ZFP69B: variants seen among roughly 807,000 people sequenced by gnomAD.
ZFP69B encodes zinc finger protein 69 homolog B.
A neutral mutation model predicts 19.7 loss-of-function variants in ZFP69B; 20 were observed. The observed-to-expected ratio is 1.02, with a 90% CI of 0.71 to 1.48. The LOEUF is 1.48. Ranked by LOEUF, ZFP69B falls within the 40% of genes most tolerant of loss-of-function variation. The pLI is 0.00. For missense variants in ZFP69B, 583 were observed against 632.6 expected, an observed-to-expected ratio of 0.92 and a Z score of 0.84; for synonymous variants, 220 against 222.7, an observed-to-expected ratio of 0.99 and a Z score of 0.11.
intron 1 of ZFP69B, among the ~76,000 whole-genome samples, chr1:40,453,948 G>A (rs1329607733): frequency 1.3e-5 from 2 of 152,130 alleles, no homozygotes; most frequent in African/African-American, 2.4e-5. Context: ...TCATGTCAGT[G>A]GGGAAACCTT....
At position 40,450,766 on chromosome 1, in the gene ZFP69B, G is replaced by A; in HGVS notation, c.-196G>A. ...CCCTGAGAGCCGATGATAGACACAA[G>A]TCCAGATCTCGGATTTTGATACTGT... On this transcript the variant is annotated 5_prime_UTR_variant, in exon 1 of 5. Coordinates refer to ENST00000361584, the MANE Select transcript of ZFP69B (RefSeq NM_023070.3). The A allele has an allele frequency of 2.2e-6, 1 of 453,434 alleles. No individual in the cohort carries two copies. The highest frequency in any genetic ancestry group is 3.5e-6 in the Non-Finnish European group (1 of 284,096). The allele number at this position is 453,434 out of a possible 1,614,324, so 28.1% of individuals were successfully genotyped here. A position where few individuals can be genotyped will look rare whatever the true frequency, so the allele number is the denominator to read the frequency against.
intron 4 of ZFP69B, among the ~76,000 whole-genome samples, chr1:40,460,452 G>A (rs1645271323): frequency 6.6e-6 from 1 of 152,012 alleles, no homozygotes; most frequent in Non-Finnish European, 1.5e-5. Flanking sequence ...GAGCAACATA[G>A]CATGATCCCA....
At chr1:40,459,515 C>T (rs1404728049) in intron 4 of ZFP69B, among the ~76,000 whole-genome samples, 1 of 152,166 alleles carries the variant, frequency 6.6e-6, no homozygotes. Flanking sequence ...CCCACAGCTT[C>T]TTCCTTAATA....
chr1:40,451,681 T>C (rs545720546), intron 1 of ZFP69B, among the ~76,000 whole-genome samples: 2 of 150,896 alleles, frequency 1.3e-5, no homozygotes, highest in Non-Finnish European at 2.9e-5. Context: ...TTTGCAAACA[T>C]TGGAGGTAAT....
At position 40,457,014 on chromosome 1, in the gene ZFP69B, C is replaced by T. The variant is rs1331955207; in HGVS notation, c.283C>T (p.His95Tyr). Residue 95 changes from histidine to tyrosine, a missense_variant, in exon 3 of 5, where the codon CAC becomes TAC. Transcript: ENST00000361584. ...QEEWGQLAPA[H>Y]RNLYREVMLE... ...GGAGTGGGGGCAGCTGGCCCCTGCT[C>T]ACCGGAATCTGTACCGGGAGGTGAT... 8.1e-6 allele frequency: 13 copies of T among 1,613,592 alleles called. No individual in the cohort carries two copies. Among genetic ancestry groups the T allele is most frequent in the South Asian group, 3.3e-5 (3 of 90,990 alleles).
intron 1 of ZFP69B, among the ~76,000 whole-genome samples, chr1:40,451,621 G>C (rs1009577470): frequency 9.4e-5 from 13 of 138,668 alleles, no homozygotes; most frequent in Non-Finnish European, 1.2e-4. Context: ...AATTCCACAT[G>C]ATCACCTTGA....
In ZFP69B at chr1:40,450,948, G is replaced by T; in HGVS notation, c.-14G>T. ...TAAGACAGAGGGTCCTCAGAAAGGA[G>T]TGCGGACGCCGTCATGCTGCAGCAG... On this transcript the variant is annotated 5_prime_UTR_variant, in exon 1 of 5. Transcript: ENST00000361584. The T allele has an allele frequency of 6.5e-7, 1 of 1,542,748 alleles. No individual in the cohort carries two copies. The highest frequency in any genetic ancestry group is 1.8e-4 in the Middle Eastern group (1 of 5,504).
In ZFP69B at chr1:40,463,433, C is replaced by G. The variant is rs150924871; in HGVS notation, c.1449C>G (p.Ala483=). 265 of 1,614,118 alleles carry G rather than the reference C, an allele frequency of 1.6e-4. 1 individual carries two copies. In the African/African-American group the frequency reaches 2.7e-3, roughly 16 times the overall value. Residue 483 remains alanine, a synonymous_variant, in exon 5 of 5, where the codon GCC becomes GCG. Coordinates refer to ENST00000361584, the MANE Select transcript of ZFP69B (RefSeq NM_023070.3). ...KPYECSHCGK[A]FRHDSSFAKH... ...ATGAATGCAGTCATTGTGGGAAAGC[C>G]TTTAGGCATGATTCATCCTTTGCTA...
rs1231243254 is a variant in ZFP69B, at chr1:40,451,028, A to G, written c.67A>G (p.Lys23Glu). The change falls in exon 1 of 5, where the codon AAG (lysine) becomes GAG (glutamate). Residue 23 changes from lysine (K) to glutamate (E), a missense_variant. Physicochemically the swap from Lys to Glu is moderately conservative, Grantham distance 56 (BLOSUM62 1). Transcript: ENST00000361584. ...ASTWVKLRHP[K>E]AATERVALWE... ...CACCTGGGTGAAGTTGCGTCATCCA[A>G]AGGCGGCCACGGAGCGGGTGGCCCT... 2 of 1,549,928 alleles carry G rather than the reference A, an allele frequency of 1.3e-6. No individual in the cohort carries two copies. Among genetic ancestry groups the G allele is most frequent in the South Asian group, 1.2e-5 (1 of 83,832 alleles).
At chr1:40,451,112 A>C (rs1413548964) in intron 1 of ZFP69B, 24 bp downstream of exon 1, 1 of 1,502,386 alleles carries the variant, frequency 6.7e-7, no homozygotes, top group Admixed American at 2.1e-5. Context: ...GATGGGTGGG[A>C]GGGAGGAAAA....
At position 40,463,696 on chromosome 1, in the gene ZFP69B, T is replaced by A. The variant is rs1645315645; in HGVS notation, c.*107T>A. The A allele has an allele frequency of 6.8e-6, 7 of 1,024,196 alleles. No individual in the cohort carries two copies. Among genetic ancestry groups the A allele is most frequent in the African/African-American group, 3.3e-5 (2 of 60,850 alleles). 63.4% of individuals were successfully genotyped at this position (1,024,196 alleles called of 1,614,324 possible). On this transcript the variant is annotated 3_prime_UTR_variant, in exon 5 of 5. Transcript: ENST00000361584. ...TTTTTGGATTTCCAAAAACGAACAT[T>A]AAAAAAAAATGGTTTGGCACAATGT...
chr1:40,461,145 C>CA (rs576934778), intron 4 of ZFP69B, among the ~76,000 whole-genome samples: 5,119 of 51,314 alleles, frequency 0.1, 270 homozygotes, highest in African/African-American at 0.24. Flanking sequence ...GACCCCATCA[C>CA]AAAAAAAAAA....
Position 40,462,797 on chromosome 1 carries a change from G to T in ZFP69B, c.813G>T (p.Arg271Ser). ...ACATAGATTTAGTTAATCATTCAAG[G>T]AGTTATACAAAAATGAAAACCTTTG... ...RYNIDLVNHS[R>S]SYTKMKTFEC... The change falls in exon 5 of 5, where the codon AGG (arginine) becomes AGT (serine). Residue 271 changes from arginine (R) to serine (S), a missense_variant. Arg to Ser is a moderately radical substitution (Grantham distance 110). Coordinates refer to ENST00000361584, the MANE Select transcript of ZFP69B (RefSeq NM_023070.3). 1 of 1,613,492 alleles carries T rather than the reference G, an allele frequency of 6.2e-7. No individual in the cohort carries two copies. Among genetic ancestry groups the T allele is most frequent in the Non-Finnish European group, 8.5e-7 (1 of 1,179,864 alleles).
At chr1:40,458,756 G>C (rs867802093) in intron 4 of ZFP69B, among the ~76,000 whole-genome samples, 1 of 152,162 alleles carries the variant, frequency 6.6e-6, no homozygotes, top group Non-Finnish European at 1.5e-5. Flanking sequence ...TTGGCCTCAA[G>C]TGATCTGCCT....
rs1412113760 is a variant in ZFP69B at position 40,463,508 on chromosome 1, T to A, written c.1524T>A (p.Cys508Ter). 5.0e-6 allele frequency: 8 copies of A among 1,614,054 alleles called. No individual in the cohort carries two copies. Among genetic ancestry groups the A allele is most frequent in the Non-Finnish European group, 6.8e-6 (8 of 1,180,020 alleles). ...TGEKPYDCNE[C>*]GKAFSCSSSL... ...AAAAACCTTATGATTGTAATGAGTG[T>A]GGAAAAGCCTTCAGCTGTAGTTCAT... is the stretch of plus-strand genomic sequence containing the variant. The change falls in exon 5 of 5, where the codon TGT becomes TGA. Residue 508 changes from cysteine (C) to a stop codon, truncating the protein, a stop_gained. Transcript: ENST00000361584. LOFTEE classifies it low-confidence loss of function (END_TRUNC).
Position 40,457,409 on chromosome 1 carries a change from G to T in ZFP69B, c.406G>T (p.Glu136Ter), listed in dbSNP as rs751288041. Residue 136 changes from glutamate (E) to a stop codon, truncating the protein, a stop_gained, in exon 4 of 5, where the codon GAG (glutamate) becomes TAG (stop). Coordinates refer to ENST00000361584, the MANE Select transcript of ZFP69B (RefSeq NM_023070.3). LOFTEE classifies it low-confidence loss of function (END_TRUNC). ...GAAAGGAGAAGAACCATGGCTGATG[G>T]AGAGAGATATTTCAGGAGTTCCAAG... ...LEKGEEPWLM[E>*]RDISGVPSSD... 3.1e-6 allele frequency: 5 copies of T among 1,614,156 alleles called. No homozygotes were observed. The highest frequency in any genetic ancestry group is 1.7e-5 in the Admixed American group (1 of 60,008).
At chr1:40,451,474 T>G (rs1645185622) in intron 1 of ZFP69B, among the ~76,000 whole-genome samples, 1 of 151,790 alleles carries the variant, frequency 6.6e-6, no homozygotes, top group South Asian at 2.1e-4. Flanking sequence ...GAGCCTGGAG[T>G]AACTTGTGCT....
chr1:40,450,983 A>T lies in ZFP69B; in HGVS notation c.22A>T (p.Thr8Ser). Reference sequence around the variant, plus strand: ...CGTCATGCTGCAGCAGCTCCTGATCACCCTGCCCACCGAGGCCAGCACCTG... The same window carrying T: ...CGTCATGCTGCAGCAGCTCCTGATCTCCCTGCCCACCGAGGCCAGCACCTG... MLQQLLI[T>S]LPTEASTWVK... The change falls in exon 1 of 5, where the codon ACC (threonine) becomes TCC (serine). Residue 8 changes from threonine (T) to serine (S), a missense_variant. Coordinates refer to ENST00000361584, the MANE Select transcript of ZFP69B (RefSeq NM_023070.3). The T allele has an allele frequency of 6.5e-7, 1 of 1,550,332 alleles. No individual in the cohort carries two copies. Among genetic ancestry groups the T allele is most frequent in the Non-Finnish European group, 8.7e-7 (1 of 1,146,538 alleles).
At chr1:40,454,386 T>G (rs1174179821) in intron 2 of ZFP69B, 98 bp downstream of exon 2, 3 of 809,856 alleles carry the variant, frequency 3.7e-6, no homozygotes, top group Non-Finnish European at 5.4e-6. Context: ...GGATTGGCTT[T>G]TCTTTTTTTT....
Sources: gnomAD v4.1 joint callset for allele counts (sites outside exome capture counted in the v4.1 genomes callset) on GRCh38, gnomAD v4.1.1 for gene constraint, MANE v1.5 for transcripts, NCBI Gene and HGNC (gene_info 2026-07-23, HGNC 2026-07-21) for gene names.